The following TBL1X variants were observed in gnomAD, a reference collection of about 807,000 sequenced individuals.
The protein encoded by TBL1X is transducin beta like 1 X-linked, also known as F-box-like/WD repeat-containing protein TBL1X.
In TBL1X, 10 loss-of-function variants were observed where a neutral mutation model predicts 50.7. The observed-to-expected ratio is 0.20, with a 90% CI of 0.12 to 0.33. The LOEUF is 0.33. TBL1X is among the 10% of genes least tolerant of loss of function. TBL1X has a pLI of 1.00. For missense variants in TBL1X, 340 were observed against 504.4 expected (o/e 0.67, Z 3.12); for synonymous variants, 190 against 214.7 (o/e 0.88, Z 1.01).
At chrX:9,628,943 T>C (rs2082706809) in intron 2 of TBL1X, among the ~76,000 whole-genome samples, 1 of 112,546 alleles carries the variant, frequency 8.9e-6, no homozygotes, top group Non-Finnish European at 1.9e-5. Flanking sequence ...AGACTCCTGG[T>C]GGCAGCTGTG....
chrX:9,715,489 C>G (rs772317919), intron 17 of TBL1X, among the ~76,000 whole-genome samples: 2 of 111,865 alleles, frequency 1.8e-5, no homozygotes, highest in African/African-American at 3.3e-5. Flanking sequence ...CATACTGATT[C>G]CTGTAGGCAA....
chrX:9,715,034 G>A, intron 17 of TBL1X, 31 bp downstream of exon 17: 1 of 1,162,596 alleles, frequency 8.6e-7, no homozygotes. Context: ...GCTGGGGAGT[G>A]GGGTGTTGGG....
chrX:9,654,350 G>A (rs902734522), intron 5 of TBL1X, 28 bp downstream of exon 5: 4 of 1,180,101 alleles, frequency 3.4e-6, no homozygotes, highest in Non-Finnish European at 4.6e-6. Flanking sequence ...CTGTCGGTAG[G>A]AAATTCATCT....
chrX:9,569,274 A>G (rs1280428437), intron 2 of TBL1X, among the ~76,000 whole-genome samples: 2 of 87,614 alleles, frequency 2.3e-5, no homozygotes, highest in African/African-American at 4.6e-5. Context: ...GTGTGTGTCT[A>G]TCTGTGCAGT....
intron 2 of TBL1X, among the ~76,000 whole-genome samples, chrX:9,592,585 C>G (rs754823549): frequency 9.0e-6 from 1 of 111,248 alleles, no homozygotes; most frequent in African/African-American, 3.3e-5. Context: ...TTCCATTATC[C>G]TTCTCCAAAA....
chrX:9,546,198 C>T (rs2146986381), intron 2 of TBL1X, among the ~76,000 whole-genome samples: 1 of 111,992 alleles, frequency 8.9e-6, no homozygotes, highest in Admixed American at 9.4e-5. Context: ...CCACTGATTA[C>T]CATAAATTAA....
intron 1 of TBL1X, among the ~76,000 whole-genome samples, chrX:9,478,215 G>C (rs2081859870): frequency 9.0e-6 from 1 of 111,050 alleles, no homozygotes; most frequent in African/African-American, 3.3e-5. Context: ...AAGGAGGTGG[G>C]AAAAGAGCTA....
intron 5 of TBL1X, among the ~76,000 whole-genome samples, chrX:9,659,791 A>G (rs1420232496): frequency 8.9e-6 from 1 of 112,067 alleles, no homozygotes; most frequent in African/African-American, 3.2e-5. Flanking sequence ...CACAAGGCAT[A>G]CTGGAAAGTA....
At chrX:9,574,970 C>G (rs2082403473) in intron 2 of TBL1X, among the ~76,000 whole-genome samples, 1 of 111,537 alleles carries the variant, frequency 9.0e-6, no homozygotes, top group Non-Finnish European at 1.9e-5. Context: ...GTTCAGTACC[C>G]CATGCCCACT....
chrX:9,495,229 GAGCGCAGCTATCCTACAAGTATGT>G (rs1379465201), intron 1 of TBL1X, among the ~76,000 whole-genome samples: 1 of 111,479 alleles, frequency 9.0e-6, no homozygotes, highest in Non-Finnish European at 1.9e-5. Flanking sequence ...CTCTGTGATG[GAGCGCAGCTATCCTACAAGTATGT>G]AGCCCTGATT....
intron 2 of TBL1X, among the ~76,000 whole-genome samples, chrX:9,508,157 A>G (rs867450133): frequency 2.7e-5 from 3 of 112,336 alleles, no homozygotes; most frequent in Non-Finnish European, 5.6e-5. Flanking sequence ...TGAACAGGCA[A>G]CCTACAGAGT....
At chrX:9,567,756 C>T (rs555828412) in intron 2 of TBL1X, among the ~76,000 whole-genome samples, 23 of 112,001 alleles carry the variant, frequency 2.1e-4, no homozygotes, top group Non-Finnish European at 3.8e-4. Context: ...GAAACCTCAG[C>T]GCCCCATCTT....
intron 2 of TBL1X, among the ~76,000 whole-genome samples, chrX:9,574,839 T>C (rs1011882564): frequency 8.9e-6 from 1 of 111,983 alleles, no homozygotes; most frequent in East Asian, 2.8e-4. Context: ...ATAGCCACTT[T>C]AGCCAAAGCA....
intron 11 of TBL1X, 108 bp downstream of exon 11, chrX:9,693,527 T>C: frequency 1.3e-6 from 1 of 748,741 alleles, no homozygotes; most frequent in Non-Finnish European, 1.9e-6. Flanking sequence ...GTGCTTCCCC[T>C]TAAGAAATGA....
intron 2 of TBL1X, among the ~76,000 whole-genome samples, chrX:9,551,642 G>A (rs765460536): frequency 1.8e-5 from 2 of 111,560 alleles, no homozygotes; most frequent in African/African-American, 3.3e-5. Context: ...CTATGAAGAG[G>A]GGGGAAGAAC....
intron 1 of TBL1X, among the ~76,000 whole-genome samples, chrX:9,487,398 G>A (rs1250460390): frequency 9.0e-6 from 1 of 111,058 alleles, no homozygotes; most frequent in Non-Finnish European, 1.9e-5. Context: ...ACAGAATCAT[G>A]TGATGTGTGA....
At chrX:9,579,760 C>G (rs919993105) in intron 2 of TBL1X, among the ~76,000 whole-genome samples, 1 of 110,875 alleles carries the variant, frequency 9.0e-6, no homozygotes, top group Non-Finnish European at 1.9e-5. Context: ...TTGTGACCCC[C>G]TTGACACACT....
intron 6 of TBL1X, among the ~76,000 whole-genome samples, chrX:9,686,673 G>A (rs2083061685): frequency 8.9e-6 from 1 of 112,829 alleles, no homozygotes; most frequent in African/African-American, 3.2e-5. Flanking sequence ...ACTCCAGCCT[G>A]GATGACAGAG....
chrX:9,540,823 T>C (rs1269179723), intron 2 of TBL1X, among the ~76,000 whole-genome samples: 3 of 112,208 alleles, frequency 2.7e-5, no homozygotes, highest in African/African-American at 9.7e-5. Flanking sequence ...CCAGGAAATA[T>C]TACTCTTAGT....
Sources: allele counts gnomAD v4.1 joint callset (sites outside exome capture counted in the v4.1 genomes callset), GRCh38; gene constraint gnomAD v4.1.1; transcripts MANE v1.5; gene names NCBI Gene and HGNC (gene_info 2026-07-23, HGNC 2026-07-21).